Variants in LEF1 observed in about 807,000 individuals in gnomAD.
The protein encoded by LEF1 is lymphoid enhancer-binding factor 1.
A neutral mutation model predicts 51.2 loss-of-function variants in LEF1; 14 were observed. That is an observed-to-expected ratio of 0.27 (90% CI 0.18 to 0.43). The LOEUF (loss-of-function observed/expected upper bound fraction) is 0.43. Among genes scored for constraint, LEF1 ranks in the 20% least tolerant of loss-of-function variants. The pLI, the probability that LEF1 is intolerant of heterozygous loss-of-function variation, is 1.00. For missense variants in LEF1, 386 were observed against 512.0 expected, an observed-to-expected ratio of 0.75 and a Z score of 2.37; for synonymous variants, 185 against 183.2, an observed-to-expected ratio of 1.01 and a Z score of -0.08.
rs551992878 is a variant in LEF1, at chr4:108,070,156, T to A, written c.1116+507A>T. Among the ~76,000 whole-genome samples the A allele has an allele frequency of 2.0e-5, 3 of 152,130 alleles. No individual in the cohort carries two copies. In the East Asian group the frequency reaches 5.8e-4, roughly 29 times the overall value. On this transcript the variant is annotated intron_variant, in intron 9 of 11. Coordinates refer to ENST00000265165, the MANE Select transcript of LEF1 (RefSeq NM_016269.5). ...GTCTAAAAGCAGGAAAAAATAAGAT[T>A]AAATAAATTGTGAAATTCACTTAAT... is the stretch of plus-strand genomic sequence containing the variant.
At chr4:108,096,003 T>A (rs1405573472) in intron 3 of LEF1, among the ~76,000 whole-genome samples, 2 of 152,168 alleles carry the variant, frequency 1.3e-5, no homozygotes, top group East Asian at 3.8e-4. Context: ...ATCTAAGTAC[T>A]CCATTAATTT....
At chr4:108,149,450 C>A (rs1744210230) in intron 3 of LEF1, among the ~76,000 whole-genome samples, 1 of 29,742 alleles carries the variant, frequency 3.4e-5, no homozygotes, top group Non-Finnish European at 1.0e-4. Flanking sequence ...CAGAGCGAGA[C>A]TCCGTCTCAA....
chr4:108,106,408 G>C (rs143014353), intron 3 of LEF1, among the ~76,000 whole-genome samples: 11 of 152,296 alleles, frequency 7.2e-5, no homozygotes, highest in African/African-American at 2.2e-4. Context: ...GGGTGAAGGG[G>C]AAAGGCCAGG....
chr4:108,166,514 T>G, intron 1 of LEF1: 1 of 1,340,616 alleles, frequency 7.5e-7, no homozygotes, highest in South Asian at 1.7e-5. Flanking sequence ...GGAACAAGGG[T>G]GACCAGTGGA....
At chr4:108,069,465 G>C (rs1208895633) in intron 9 of LEF1, among the ~76,000 whole-genome samples, 1 of 152,152 alleles carries the variant, frequency 6.6e-6, no homozygotes, top group Non-Finnish European at 1.5e-5. Flanking sequence ...ATTTCCTGCT[G>C]ATAAAATTAG....
intron 11 of LEF1, among the ~76,000 whole-genome samples, chr4:108,061,860 T>C (rs1278822837): frequency 6.6e-6 from 1 of 152,228 alleles, no homozygotes; most frequent in East Asian, 1.9e-4. Flanking sequence ...ATGGTCCTCC[T>C]TTCACCTGGA....
intron 1 of LEF1, chr4:108,166,359 C>A (rs1186276106): frequency 5.3e-6 from 8 of 1,502,164 alleles, no homozygotes; most frequent in Non-Finnish European, 7.1e-6. Flanking sequence ...CAAAACCACA[C>A]ACTTTCTTTT....
At chr4:108,083,471 C>T in intron 4 of LEF1, 25 bp from the exon 5 acceptor site, 16 of 1,445,840 alleles carry the variant, frequency 1.1e-5, no homozygotes, top group Non-Finnish European at 1.5e-5. Flanking sequence ...AGAGAGGTAT[C>T]ATTTACAGAT....
At chr4:108,106,413 G>C (rs910159050) in intron 3 of LEF1, among the ~76,000 whole-genome samples, 9 of 152,272 alleles carry the variant, frequency 5.9e-5, no homozygotes, top group Admixed American at 3.9e-4. Flanking sequence ...AAGGGGAAAG[G>C]CCAGGAGAAA....
intron 3 of LEF1, among the ~76,000 whole-genome samples, chr4:108,101,676 G>C (rs1740830252): frequency 6.6e-6 from 1 of 152,136 alleles, no homozygotes; most frequent in Non-Finnish European, 1.5e-5. Flanking sequence ...GATAAAGTGT[G>C]AGCACTGGAT....
At chr4:108,051,716 C>A (rs1737003589) in intron 11 of LEF1, among the ~76,000 whole-genome samples, 1 of 152,142 alleles carries the variant, frequency 6.6e-6, no homozygotes, top group South Asian at 2.1e-4. Flanking sequence ...CGGCACAAGA[C>A]CCCACCCCAC....
chr4:108,136,998 A>G (rs1403884071), intron 3 of LEF1, among the ~76,000 whole-genome samples: 1 of 152,222 alleles, frequency 6.6e-6, no homozygotes, highest in East Asian at 1.9e-4. Flanking sequence ...CTTATTAAAA[A>G]GTCAACTTTT....
intron 3 of LEF1, among the ~76,000 whole-genome samples, chr4:108,125,125 A>G (rs1028875657): frequency 6.6e-6 from 1 of 152,126 alleles, no homozygotes; most frequent in Non-Finnish European, 1.5e-5. Context: ...TCAATTCAAT[A>G]TAATTTTGTC....
In LEF1 at chr4:108,167,652, G is replaced by A; in HGVS notation, c.116C>T (p.Ala39Val). The A allele has an allele frequency of 6.2e-7, 1 of 1,614,210 alleles. No homozygotes were observed. Among genetic ancestry groups the A allele is most frequent in the Non-Finnish European group, 8.5e-7 (1 of 1,180,030 alleles). Residue 39 changes from alanine to valine, a missense_variant, in exon 1 of 12, where the codon GCC becomes GTC. Physicochemically the swap from Ala to Val is moderately conservative, Grantham distance 64. This residue lies in a region of LEF1 where 335 missense variants were observed against 390.7 expected (regional missense o/e 0.86). Transcript: ENST00000265165. This position sits in a 1 kb window ranked among gnomAD's most constrained non-coding sequence, Gnocchi z 5.7. ...TTCCTCTTCGGGATGACTGATCTCG[G>A]CGAAGATCTTTTCCTTCTGAGGATC... Reference protein sequence around the residue: ...EGDPQKEKIFAEISHPEEEGD... With the variant: ...EGDPQKEKIFVEISHPEEEGD...
intron 11 of LEF1, among the ~76,000 whole-genome samples, chr4:108,055,087 C>T (rs1364876518): frequency 1.3e-5 from 2 of 152,130 alleles, no homozygotes; most frequent in East Asian, 3.9e-4. Flanking sequence ...ACATTTTAGC[C>T]TTTCTTAAAA....
At chr4:108,099,323 C>T (rs1001417816) in intron 3 of LEF1, among the ~76,000 whole-genome samples, 2 of 151,624 alleles carry the variant, frequency 1.3e-5, no homozygotes, top group African/African-American at 2.4e-5. Flanking sequence ...CTTTCTGTCT[C>T]GTACTCCAAT....
At chr4:108,117,671 C>T (rs1003364141) in intron 3 of LEF1, among the ~76,000 whole-genome samples, 42 of 152,284 alleles carry the variant, frequency 2.8e-4, no homozygotes, top group African/African-American at 9.6e-4. Flanking sequence ...TTTGATCAAA[C>T]GACCTCCTGC....
chr4:108,166,503 T>G, intron 1 of LEF1: 4 of 1,364,416 alleles, frequency 2.9e-6, no homozygotes, highest in Non-Finnish European at 3.8e-6. Flanking sequence ...TTCCCAGTTG[T>G]GGAACAAGGG....
intron 3 of LEF1, among the ~76,000 whole-genome samples, chr4:108,143,258 G>T (rs1044154810): frequency 9.2e-5 from 14 of 152,112 alleles, no homozygotes; most frequent in Non-Finnish European, 1.9e-4. Context: ...TTCATTTGGG[G>T]TTTGTTTTGC....
Sources: allele counts gnomAD v4.1 joint callset (sites outside exome capture counted in the v4.1 genomes callset), GRCh38; gene constraint gnomAD v4.1.1; regional missense constraint gnomAD v4.1.1; non-coding constraint Gnocchi (gnomAD v3.1); transcripts MANE v1.5; gene names NCBI Gene and HGNC (gene_info 2026-07-23, HGNC 2026-07-21).